Variants in SGCD observed in about 807,000 individuals in gnomAD.
SGCD encodes sarcoglycan delta, also known as delta-sarcoglycan.
Under a neutral mutation model 36.6 loss-of-function variants are expected in SGCD, and 18 were observed. The ratio of observed to expected loss-of-function variants is 0.49; its 90% CI spans 0.34 to 0.73. The LOEUF (loss-of-function observed/expected upper bound fraction) is 0.73, where lower values mean the gene tolerates loss of function less well. Ranked by LOEUF, SGCD falls within the 30% of genes least tolerant of loss-of-function variation. The pLI is 0.01. For missense variants in SGCD, 387 were observed against 346.7 expected (o/e 1.12, Z -0.92); for synonymous variants, 133 against 130.6 (o/e 1.02, Z -0.12).
At chr5:156,299,127 G>A (rs1393361025) in intron 3 of SGCD, among the ~76,000 whole-genome samples, 1 of 152,144 alleles carries the variant, frequency 6.6e-6, no homozygotes, top group Non-Finnish European at 1.5e-5. Context: ...TATTGCAAGA[G>A]ATATAGATCT....
chr5:155,902,122 G>A (rs1008469612), intron 1 of SGCD, among the ~76,000 whole-genome samples: 1 of 152,166 alleles, frequency 6.6e-6, no homozygotes. Flanking sequence ...TTGTGTTGAA[G>A]CTATTTCTAA....
At chr5:155,985,432 C>T (rs914572939) in intron 1 of SGCD, among the ~76,000 whole-genome samples, 5 of 152,146 alleles carry the variant, frequency 3.3e-5, no homozygotes, top group African/African-American at 1.2e-4. Flanking sequence ...GCGTCGTCCT[C>T]TAATTTCCTC....
chr5:156,587,477 C>A (rs1760541111), intron 4 of SGCD, among the ~76,000 whole-genome samples: 1 of 152,136 alleles, frequency 6.6e-6, no homozygotes, highest in Non-Finnish European at 1.5e-5. Flanking sequence ...AAAATCTGCA[C>A]CTTTCATACC....
intron 2 of SGCD, among the ~76,000 whole-genome samples, chr5:156,341,344 T>A (rs953570412): frequency 4.6e-5 from 7 of 152,112 alleles, no homozygotes; most frequent in African/African-American, 1.2e-4. Context: ...ATTTTATTTT[T>A]TTGCTATTTT....
At chr5:156,093,776 A>G (rs1287236893) in intron 1 of SGCD, among the ~76,000 whole-genome samples, 1 of 152,220 alleles carries the variant, frequency 6.6e-6, no homozygotes, top group African/African-American at 2.4e-5. Context: ...GCCAGTTAAT[A>G]GAGGCTCAAA....
At chr5:156,377,787 G>A (rs1770746744) in intron 3 of SGCD, among the ~76,000 whole-genome samples, 1 of 152,150 alleles carries the variant, frequency 6.6e-6, no homozygotes, top group African/African-American at 2.4e-5. Flanking sequence ...AATGGATAGA[G>A]TTAATTATGT....
At chr5:156,463,487 T>C (rs1754581838) in intron 3 of SGCD, among the ~76,000 whole-genome samples, 1 of 152,190 alleles carries the variant, frequency 6.6e-6, no homozygotes, top group Non-Finnish European at 1.5e-5. Flanking sequence ...TTTTTTTACC[T>C]GAACTATACT....
chr5:156,073,488 A>G (rs1365768687), intron 1 of SGCD, among the ~76,000 whole-genome samples: 1 of 152,192 alleles, frequency 6.6e-6, no homozygotes, highest in Non-Finnish European at 1.5e-5. Context: ...GCGTGAGCCC[A>G]GGAGGTGGAG....
intron 4 of SGCD, among the ~76,000 whole-genome samples, chr5:156,577,882 T>C (rs756716961): frequency 1.6e-4 from 25 of 152,236 alleles, no homozygotes; most frequent in Non-Finnish European, 2.6e-4. Flanking sequence ...GTTGACTTCC[T>C]CTTTTCCTAA....
intron 3 of SGCD, among the ~76,000 whole-genome samples, chr5:156,124,484 T>C (rs1169914081): frequency 2.0e-5 from 3 of 152,206 alleles, no homozygotes; most frequent in African/African-American, 7.2e-5. Flanking sequence ...TGTCTTTGTA[T>C]TTATTTTATA....
chr5:156,381,179 C>T (rs1045015749), intron 3 of SGCD, among the ~76,000 whole-genome samples: 3 of 152,150 alleles, frequency 2.0e-5, no homozygotes, highest in Non-Finnish European at 4.4e-5. Flanking sequence ...TCTAGCAGTT[C>T]TGAGGCTCTT....
chr5:156,487,047 A>C (rs563465609), intron 3 of SGCD, among the ~76,000 whole-genome samples: 1 of 152,280 alleles, frequency 6.6e-6, no homozygotes, highest in South Asian at 2.1e-4. Flanking sequence ...CCTAAGGAGA[A>C]GCTCACTCAT....
At chr5:156,255,192 A>G (rs997494656) in intron 3 of SGCD, among the ~76,000 whole-genome samples, 1 of 152,166 alleles carries the variant, frequency 6.6e-6, no homozygotes, top group African/African-American at 2.4e-5. Flanking sequence ...AAAGTCAAAC[A>G]CTTGAAACAC....
rs1054684371 is a variant in SGCD, at chr5:156,724,383, T to A, written c.576-33198T>A. Among the ~76,000 whole-genome samples the A allele has an allele frequency of 7.9e-5, 12 of 152,072 alleles. 1 individual carries two copies. Among genetic ancestry groups the A allele is most frequent in the Admixed American group, 5.9e-4 (9 of 15,270 alleles). On this transcript the variant is annotated intron_variant, in intron 7 of 8. Transcript: ENST00000337851. ...ACTTTGGGAGGCCGAGGCAGGCAGA[T>A]CACGAGGTCAGGAGATAGAGACCAT... is the stretch of plus-strand genomic sequence containing the variant.
At chr5:156,522,111 C>A (rs762805692) in intron 4 of SGCD, among the ~76,000 whole-genome samples, 2 of 152,038 alleles carry the variant, frequency 1.3e-5, no homozygotes, top group Non-Finnish European at 2.9e-5. Context: ...AACCAAACAC[C>A]GCATGTTCTC....
chr5:156,079,901 C>T (rs1760905431), intron 1 of SGCD, among the ~76,000 whole-genome samples: 1 of 152,244 alleles, frequency 6.6e-6, no homozygotes, highest in Non-Finnish European at 1.5e-5. Context: ...CTCCACTACA[C>T]AGTGCCCACT....
chr5:155,817,682 A>C, the SGCD span, among the ~76,000 whole-genome samples: 1 of 152,104 alleles, frequency 6.6e-6, no homozygotes, highest in Middle Eastern at 3.2e-3. Flanking sequence ...GAAAATATTC[A>C]CTCAAGAACA....
chr5:155,917,968 A>G (rs752351769), intron 1 of SGCD, among the ~76,000 whole-genome samples: 2 of 152,108 alleles, frequency 1.3e-5, no homozygotes, highest in Non-Finnish European at 2.9e-5. Flanking sequence ...GGAACAGCAT[A>G]TGTTTGTGTT....
the SGCD span, among the ~76,000 whole-genome samples, chr5:155,770,505 A>C: frequency 1.3e-5 from 2 of 152,182 alleles, no homozygotes; most frequent in Non-Finnish European, 2.9e-5. Flanking sequence ...GATGATTGAA[A>C]GGCACAGTGG....
Sources: allele counts gnomAD v4.1 joint callset (sites outside exome capture counted in the v4.1 genomes callset), GRCh38; gene constraint gnomAD v4.1.1; transcripts MANE v1.5; gene names NCBI Gene and HGNC (gene_info 2026-07-23, HGNC 2026-07-21).